The following ZAP70 variants were observed in gnomAD, a reference collection of about 807,000 sequenced individuals.
ZAP70 encodes the protein zeta chain of T cell receptor associated protein kinase 70.
In ZAP70, 27 loss-of-function variants were observed where a neutral mutation model predicts 65.8. That is an observed-to-expected ratio of 0.41 (90% confidence interval 0.30 to 0.57). The LOEUF is 0.57. Ranked by LOEUF, ZAP70 falls within the 20% of genes least tolerant of loss-of-function variation. ZAP70 has a pLI of 0.28. For missense variants in ZAP70, 696 were observed against 870.5 expected, an observed-to-expected ratio of 0.80 and a Z score of 2.52; for synonymous variants, 363 against 360.8, an observed-to-expected ratio of 1.01 and a Z score of -0.07.
At chr2:97,716,767 C>T (rs1185436409) in intron 2 of ZAP70, among the ~76,000 whole-genome samples, 1 of 151,988 alleles carries the variant, frequency 6.6e-6, no homozygotes, top group Non-Finnish European at 1.5e-5. Context: ...ACCCTGAGGA[C>T]TTGCATTTTC....
intron 2 of ZAP70, among the ~76,000 whole-genome samples, chr2:97,720,776 A>G (rs1173454026): frequency 6.6e-6 from 1 of 151,768 alleles, no homozygotes; most frequent in African/African-American, 2.4e-5. Context: ...GACATCCAGG[A>G]CCCCCCTCAA....
chr2:97,731,012 G>A lies in ZAP70; in HGVS notation c.564-1871G>A, dbSNP rs574472482. Among the ~76,000 whole-genome samples the A allele has an allele frequency of 3.5e-5, 5 of 143,302 alleles. No individual in the cohort carries two copies. The highest frequency in any genetic ancestry group is 7.5e-5 in the Non-Finnish European group (5 of 66,954). The allele number at this position is 143,302 out of a possible 152,430, so 94.0% of individuals were successfully genotyped here. A position where few individuals can be genotyped will look rare whatever the true frequency, so the allele number is the denominator to read the frequency against. ...AGAGCTTGCAGTGAGCCGAGATCAC[G>A]CCACTGCACTCCAGCCCGGGCTGTG... On this transcript the variant is annotated intron_variant, in intron 4 of 13. Coordinates refer to ENST00000264972, the MANE Select transcript of ZAP70 (RefSeq NM_001079.4). The surrounding 1 kb of genome is among the most constrained non-coding windows in gnomAD (Gnocchi z 4.0).
chr2:97,728,779 G>A (rs1677491470), intron 4 of ZAP70, among the ~76,000 whole-genome samples: 4 of 152,194 alleles, frequency 2.6e-5, no homozygotes, highest in Admixed American at 2.0e-4. Flanking sequence ...TTGAGACAGA[G>A]TCTTGCTCTG....
chr2:97,739,710 G>A lies in ZAP70; in HGVS notation c.*212G>A. On this transcript the variant is annotated 3_prime_UTR_variant, in exon 14 of 14. Transcript: ENST00000264972. ...CAGGGAGGTCCGGGAGGGTGCGGCT[G>A]TGCAGCCTGTCCTGGGCTGGTGGCT... The A allele has an allele frequency of 1.3e-6, 1 of 747,272 alleles. No individual in the cohort carries two copies. The highest frequency in any genetic ancestry group is 2.1e-6 in the Non-Finnish European group (1 of 470,138). The allele number at this position is 747,272 out of a possible 1,614,324, so 46.3% of individuals were successfully genotyped here.
the ZAP70 span, among the ~76,000 whole-genome samples, chr2:97,747,618 A>C: frequency 1.3e-5 from 2 of 151,830 alleles, no homozygotes; most frequent in African/African-American, 2.4e-5. Context: ...GAGGTGGGGG[A>C]GGTGGCAGTG....
Position 97,715,993 on chromosome 2 carries a change from C to T in ZAP70, c.-22+1999C>T, listed in dbSNP as rs1676894575. Among the ~76,000 whole-genome samples, 1 of 152,220 alleles carries T rather than the reference C, an allele frequency of 6.6e-6. No homozygotes were observed. Among genetic ancestry groups the T allele is most frequent in the African/African-American group, 2.4e-5 (1 of 41,540 alleles). On this transcript the variant is annotated intron_variant, in intron 2 of 13. Coordinates refer to ENST00000264972, the MANE Select transcript of ZAP70 (RefSeq NM_001079.4). The surrounding 1 kb of genome is among the most constrained non-coding windows in gnomAD (Gnocchi z 4.1). ...GGGACTGAGGAGCAGAGACAGAGGC[C>T]ATCAGGGCTGTGATGTGGGAGGATG...
rs2104690207 is a variant in ZAP70 at position 97,733,573 on chromosome 2, A to G, written c.867A>G (p.Ser289=). ...HPQRRIDTLN[S]DGYTPEPARI... ...AGAGACGAATCGACACCCTCAACTCAGATGGATACACCCCTGAGCCAGGTG... is the reference window on the plus strand; with the variant it reads ...AGAGACGAATCGACACCCTCAACTCGGATGGATACACCCCTGAGCCAGGTG... The change falls in exon 8 of 14, where the codon TCA becomes TCG. Residue 289 remains serine, a synonymous_variant. Transcript: ENST00000264972. 1 of 1,613,606 alleles carries G rather than the reference A, an allele frequency of 6.2e-7. No individual in the cohort carries two copies. Among genetic ancestry groups the G allele is most frequent in the Non-Finnish European group, 8.5e-7 (1 of 1,179,984 alleles).
downstream of ZAP70, among the ~76,000 whole-genome samples, chr2:97,740,143 C>T (rs1336423617): frequency 2.0e-5 from 3 of 152,198 alleles, no homozygotes; most frequent in Middle Eastern, 3.4e-3. Context: ...GCCAGGTGCA[C>T]GTTAGGATCA....
At chr2:97,717,451 G>C (rs1676979934) in intron 2 of ZAP70, among the ~76,000 whole-genome samples, 1 of 149,710 alleles carries the variant, frequency 6.7e-6, no homozygotes, top group Non-Finnish European at 1.5e-5. Flanking sequence ...CTCTGGCTGG[G>C]GGGACACGAG....
intron 2 of ZAP70, among the ~76,000 whole-genome samples, chr2:97,717,824 T>C (rs1676998858): frequency 1.3e-5 from 2 of 152,222 alleles, no homozygotes; most frequent in South Asian, 4.1e-4. Context: ...AGCTGTAATC[T>C]AGCACTGCCT....
chr2:97,725,169 G>T lies in ZAP70; in HGVS notation c.480G>T (p.Arg160=). 1 of 1,614,202 alleles carries T rather than the reference G, an allele frequency of 6.2e-7. No homozygotes were observed. Among genetic ancestry groups the T allele is most frequent in the Non-Finnish European group, 8.5e-7 (1 of 1,180,036 alleles). The change falls in exon 4 of 14, where the codon CGG becomes CGT. Residue 160 remains arginine (R), a synonymous_variant. Coordinates refer to ENST00000264972, the MANE Select transcript of ZAP70 (RefSeq NM_001079.4). ...TCATTGCTACGACGGCCCACGAGCG[G>T]ATGCCCTGGTACCACAGCAGCCTGA... is the stretch of plus-strand genomic sequence containing the variant. The part of the protein sequence containing the change: ...EKLIATTAHE[R]MPWYHSSLTR...
rs1196995257 is a variant in ZAP70, at chr2:97,736,587, A to T, written c.1290-886A>T. Among the ~76,000 whole-genome samples the T allele has an allele frequency of 2.0e-5, 3 of 152,218 alleles. No homozygotes were observed. The highest frequency in any genetic ancestry group is 4.4e-5 in the Non-Finnish European group (3 of 68,032). On this transcript the variant is annotated intron_variant, in intron 10 of 13. Transcript: ENST00000264972. This position sits in a 1 kb window ranked among gnomAD's most constrained non-coding sequence, Gnocchi z 4.0. ...GATGAAATCTAGAGCATGTGGGAAG[A>T]TAGTGTGGTGGGCACAAGCCTGCCG...
intron 2 of ZAP70, among the ~76,000 whole-genome samples, chr2:97,720,678 T>C (rs1677123497): frequency 6.6e-6 from 1 of 152,156 alleles, no homozygotes; most frequent in African/African-American, 2.4e-5. Context: ...AAAACACTCT[T>C]GTGGAATGGT....
intron 3 of ZAP70, 179 bp downstream of exon 3, chr2:97,724,617 C>A (rs774210535): frequency 2.0e-6 from 3 of 1,533,724 alleles, no homozygotes; most frequent in Non-Finnish European, 2.6e-6. Flanking sequence ...GAGGCAGGGG[C>A]TCCGTGGTGG....
rs146578442 is a variant in ZAP70 at position 97,731,948 on chromosome 2, A to G, written c.564-935A>G. On this transcript the variant is annotated intron_variant, in intron 4 of 13. Transcript: ENST00000264972. The surrounding 1 kb of genome is among the most constrained non-coding windows in gnomAD (Gnocchi z 4.0). ...ACTGTAAAGCTACACTTGACCCTGC[A>G]ATAGAGGCTTGTGCCAGTGACCCCA... Among the ~76,000 whole-genome samples the G allele has an allele frequency of 4.6e-3, 700 of 152,222 alleles. 5 individuals are homozygous for G. Among genetic ancestry groups the G allele is most frequent in the African/African-American group, 0.016 (658 of 41,552 alleles).
downstream of ZAP70, among the ~76,000 whole-genome samples, chr2:97,742,665 G>A (rs1678159669): frequency 6.6e-6 from 1 of 152,246 alleles, no homozygotes; most frequent in Admixed American, 6.5e-5. Context: ...TCAAATTAGA[G>A]GGCTGTGAAG....
At chr2:97,733,976 T>A in intron 8 of ZAP70, 1 of 350,588 alleles carries the variant, frequency 2.9e-6, no homozygotes, top group Non-Finnish European at 5.4e-6. Flanking sequence ...GAGGGGTCTG[T>A]CTATGGGGAT....
rs772011597 is a variant in ZAP70, at chr2:97,725,260, G to A, written c.563+8G>A. On this transcript the variant is annotated splice_region_variant and intron_variant, in intron 4 of 13. Transcript: ENST00000264972. ...GACCGACGGCAAGTTCCTGTATGTG[G>A]GGCCCGGGATTTGGGTGCGGTGAGG... 1 of 1,612,022 alleles carries A rather than the reference G, an allele frequency of 6.2e-7. No individual in the cohort carries two copies. Among genetic ancestry groups the A allele is most frequent in the Non-Finnish European group, 8.5e-7 (1 of 1,178,198 alleles).
the ZAP70 span, among the ~76,000 whole-genome samples, chr2:97,751,769 T>C: frequency 2.6e-5 from 4 of 151,708 alleles, no homozygotes; most frequent in Non-Finnish European, 1.5e-5. Flanking sequence ...CTGGTGGAGG[T>C]GAAGGAGAGC....
Sources: allele counts gnomAD v4.1 joint callset (sites outside exome capture counted in the v4.1 genomes callset), GRCh38; gene constraint gnomAD v4.1.1; non-coding constraint Gnocchi (gnomAD v3.1); transcripts MANE v1.5; gene names NCBI Gene and HGNC (gene_info 2026-07-23, HGNC 2026-07-21).